Variants in CFAP57 observed in about 807,000 individuals in gnomAD.
The protein encoded by CFAP57 is cilia- and flagella-associated protein 57.
A neutral mutation model predicts 146.8 loss-of-function variants in CFAP57; 116 were observed. The ratio of observed to expected loss-of-function variants is 0.79; its 90% confidence interval spans 0.68 to 0.92. The LOEUF is 0.92. Among genes scored for constraint, CFAP57 ranks in the 40% least tolerant of loss-of-function variants. CFAP57 has a pLI of 0.00. For missense variants in CFAP57, 1,377 were observed against 1,527.2 expected, an observed-to-expected ratio of 0.90 and a Z score of 1.64; for synonymous variants, 518 against 552.8, an observed-to-expected ratio of 0.94 and a Z score of 0.88.
chr1:43,244,692 C>T (rs560198603), intron 22 of CFAP57, among the ~76,000 whole-genome samples: 172 of 151,896 alleles, frequency 1.1e-3, no homozygotes, highest in African/African-American at 4.1e-3. Flanking sequence ...ATCACAAGGT[C>T]AAGAGATCGA....
rs191352990 is a variant in CFAP57 at position 43,191,309 on chromosome 1, C to T, written c.1122+4450C>T. Among the ~76,000 whole-genome samples, 1,048 of 152,094 alleles carry T rather than the reference C, an allele frequency of 6.9e-3. 4 individuals carry two copies. Among genetic ancestry groups the T allele is most frequent in the Non-Finnish European group, 0.012 (804 of 68,004 alleles). ...TAATGGTAATATTCCCTCTTTTGGC[C>T]GGGCGTGGTGGCTCACGCCTGCAAT... On this transcript the variant is annotated intron_variant, in intron 6 of 22. Transcript: ENST00000372492.
Position 43,229,143 on chromosome 1 carries a change from C to T in CFAP57, c.3009+2017C>T, listed in dbSNP as rs528087164. On this transcript the variant is annotated intron_variant, in intron 18 of 22. Transcript: ENST00000372492. ...CCCACCCACCTGGAGGGCCAGCACA[C>T]CACAGGCCCCTGGAAATCACTGCCC... Among the ~76,000 whole-genome samples the T allele has an allele frequency of 6.0e-4, 89 of 149,162 alleles. 6 individuals are homozygous for T. Among genetic ancestry groups the T allele is most frequent in the Non-Finnish European group, 1.1e-3 (71 of 67,604 alleles).
intron 9 of CFAP57, among the ~76,000 whole-genome samples, chr1:43,203,014 A>G (rs1644199831): frequency 6.6e-6 from 1 of 151,850 alleles, no homozygotes; most frequent in Non-Finnish European, 1.5e-5. Context: ...TCTACTAAAA[A>G]TACAAAATAT....
At chr1:43,178,991 C>T (rs1011746477) in intron 2 of CFAP57, among the ~76,000 whole-genome samples, 1 of 152,084 alleles carries the variant, frequency 6.6e-6, no homozygotes, top group African/African-American at 2.4e-5. Context: ...TATAGGGATA[C>T]AGATGAAGCT....
At position 43,206,810 on chromosome 1, in the gene CFAP57, AAG is replaced by A. The variant is rs767387494; in HGVS notation, c.1641_1642del (p.Glu547AspfsTer47). ...AVYEWNLSTG[K>X]RETECVLKSC... ...GTATGAATGGAATCTGTCCACAGGAAAGAGAGAGACAGAATGCGTGCTCAAGT... is the reference window on the plus strand; with the variant it reads ...GTATGAATGGAATCTGTCCACAGGAAAGAGAGACAGAATGCGTGCTCAAGT... On this transcript the variant is annotated frameshift_variant, in exon 10 of 23. Transcript: ENST00000372492. LOFTEE classifies it high-confidence loss of function. The A allele has an allele frequency of 6.2e-7, 1 of 1,614,186 alleles. No homozygotes were observed. Among genetic ancestry groups the A allele is most frequent in the Non-Finnish European group, 8.5e-7 (1 of 1,180,030 alleles).
At chr1:43,189,774 G>A (rs1359057392) in intron 6 of CFAP57, among the ~76,000 whole-genome samples, 2 of 152,184 alleles carry the variant, frequency 1.3e-5, no homozygotes, top group Non-Finnish European at 2.9e-5. Context: ...TAAGGGTTCA[G>A]GAAGCTTACA....
rs1177101936 is a variant in CFAP57, at chr1:43,199,566, T to G, written c.1542+63T>G. ...CGGAGCCAAGTATGCCGCCAGCCAG[T>G]GGGATACAGGTGAACAAAAGAGAGA... On this transcript the variant is annotated intron_variant, in intron 9 of 22. Transcript: ENST00000372492. The G allele has an allele frequency of 5.6e-6, 8 of 1,428,016 alleles. No individual in the cohort carries two copies. The Admixed American group carries it at 6.7e-5, about 12-fold the overall frequency. The allele number at this position is 1,428,016 out of a possible 1,614,324, so 88.5% of individuals were successfully genotyped here. A position where few individuals can be genotyped will look rare whatever the true frequency, so the allele number is the denominator to read the frequency against.
chr1:43,173,011 G>T lies in CFAP57; in HGVS notation c.157+101G>T, dbSNP rs540682777. On this transcript the variant is annotated intron_variant, in intron 2 of 22. Transcript: ENST00000372492. ...TGGAAAGAAAGATTTTGGCCAATTT[G>T]AATATATATGCAGTATTATAAATGT... is the stretch of plus-strand genomic sequence containing the variant. The T allele has an allele frequency of 1.6e-5, 16 of 1,021,070 alleles. No homozygotes were observed. In the East Asian group the frequency reaches 3.9e-4, roughly 25 times the overall value. 63.3% of individuals were successfully genotyped at this position (1,021,070 alleles called of 1,614,324 possible).
chr1:43,235,215 A>G (rs1156788478), intron 21 of CFAP57, among the ~76,000 whole-genome samples: 1 of 151,934 alleles, frequency 6.6e-6, no homozygotes, highest in East Asian at 1.9e-4. Flanking sequence ...CTCTGGTTTA[A>G]TAAGCGCCTC....
chr1:43,232,021 A>G (rs1201297822), intron 18 of CFAP57: 1 of 690,252 alleles, frequency 1.4e-6, no homozygotes, highest in African/African-American at 1.8e-5. Flanking sequence ...TATGCCTTAG[A>G]TGGGTGGTGC....
rs1275950997 is a variant in CFAP57 at position 43,201,765 on chromosome 1, A to G, written c.1542+2262A>G. The stretch of plus-strand genomic sequence containing the variant: ...TGAGTAGCTGGGATTACAGGCATGT[A>G]CCACCACACCCGGGTAATTTTGTAT... On this transcript the variant is annotated intron_variant, in intron 9 of 22. Coordinates refer to ENST00000372492, the MANE Select transcript of CFAP57 (RefSeq NM_001378189.1). This position sits in a 1 kb window ranked among gnomAD's most constrained non-coding sequence, Gnocchi z 4.4. Among the ~76,000 whole-genome samples, 1 of 152,152 alleles carries G rather than the reference A, an allele frequency of 6.6e-6. No homozygotes were observed. The highest frequency in any genetic ancestry group is 1.5e-5 in the Non-Finnish European group (1 of 68,024).
At chr1:43,222,451 C>T (rs1477033436) in intron 15 of CFAP57, among the ~76,000 whole-genome samples, 156 bp downstream of exon 15, 1 of 152,198 alleles carries the variant, frequency 6.6e-6, no homozygotes, top group East Asian at 1.9e-4. Context: ...ATGGGAGAGA[C>T]AGCCAAATAA....
chr1:43,224,752 ATCC>A (rs1040468171), intron 17 of CFAP57, among the ~76,000 whole-genome samples: 1 of 152,190 alleles, frequency 6.6e-6, no homozygotes, highest in Non-Finnish European at 1.5e-5. Flanking sequence ...ATGTAGTATC[ATCC>A]TCCTGAGCAC....
rs1485818751 is a variant in CFAP57, at chr1:43,186,798, T to A, written c.1061T>A (p.Val354Asp). 1.2e-6 allele frequency: 2 copies of A among 1,614,004 alleles called. No homozygotes were observed. Among genetic ancestry groups the A allele is most frequent in the East Asian group, 4.5e-5 (2 of 44,888 alleles). Reference sequence around the variant, plus strand: ...TTCAGCCCCTCAGAGGAAACTCTGGTTGCCAGCACCAGTAAGAACCAACTC... The same window carrying A: ...TTCAGCCCCTCAGAGGAAACTCTGGATGCCAGCACCAGTAAGAACCAACTC... ...LCFSPSEETL[V>D]ASTSKNQLYS... The change falls in exon 6 of 23, where the codon GTT (valine) becomes GAT (aspartate). Residue 354 changes from valine (V) to aspartate (D), a missense_variant. Val to Asp is a radical substitution (Grantham distance 152). Coordinates refer to ENST00000372492, the MANE Select transcript of CFAP57 (RefSeq NM_001378189.1).
chr1:43,188,437 C>G (rs1024872938), intron 6 of CFAP57, among the ~76,000 whole-genome samples: 1 of 152,086 alleles, frequency 6.6e-6, no homozygotes, highest in African/African-American at 2.4e-5. Context: ...ATATTCTTGC[C>G]AAAACTTGTT....
At position 43,234,332 on chromosome 1, in the gene CFAP57, C is replaced by T. The variant is rs1029354834; in HGVS notation, c.3180C>T (p.Cys1060=). ...VKRFKTDLHN[C]VAYIQEPRLL... ...GGTTTAAAACAGACCTCCACAACTG[C>T]GTAGCCTATATTCAGGAACCGCGGC... Residue 1060 remains cysteine, a synonymous_variant, in exon 20 of 23, where the codon TGC becomes TGT. Transcript: ENST00000372492. 2.5e-5 allele frequency: 39 copies of T among 1,550,230 alleles called. No homozygotes were observed. Among genetic ancestry groups the T allele is most frequent in the Admixed American group, 3.9e-5 (2 of 50,934 alleles).
At chr1:43,212,826 C>T (rs951208095) in intron 11 of CFAP57, among the ~76,000 whole-genome samples, 3 of 150,718 alleles carry the variant, frequency 2.0e-5, no homozygotes, top group East Asian at 2.0e-4. Flanking sequence ...CCCAGCTACT[C>T]GAGAGGCTGA....
intron 18 of CFAP57, chr1:43,232,039 T>C (rs1442257882): frequency 4.3e-6 from 3 of 698,856 alleles, no homozygotes; most frequent in Non-Finnish European, 5.2e-6. Flanking sequence ...TGCCCACATG[T>C]TGGTCCCTCC....
intron 11 of CFAP57, 146 bp downstream of exon 11, chr1:43,210,062 C>A: frequency 6.2e-7 from 1 of 1,614,070 alleles, no homozygotes; most frequent in South Asian, 1.1e-5. Flanking sequence ...CATCTATTGA[C>A]TATGAATATA....
Sources: gnomAD v4.1 joint callset for allele counts (sites outside exome capture counted in the v4.1 genomes callset) on GRCh38, gnomAD v4.1.1 for gene constraint, Gnocchi (gnomAD v3.1) non-coding constraint, MANE v1.5 for transcripts, NCBI Gene and HGNC (gene_info 2026-07-23, HGNC 2026-07-21) for gene names.